Variants in DGKA observed in about 807,000 individuals in gnomAD.
DGKA encodes the protein 80 kDa diacylglycerol kinase.
A neutral mutation model predicts 105.0 loss-of-function variants in DGKA; 35 were observed. The ratio of observed to expected loss-of-function variants is 0.33; its 90% CI spans 0.25 to 0.44. The LOEUF (loss-of-function observed/expected upper bound fraction) is 0.44. Ranked by LOEUF, DGKA falls within the 20% of genes least tolerant of loss-of-function variation. DGKA has a pLI of 1.00. For missense variants in DGKA, 665 were observed against 915.0 expected, an observed-to-expected ratio of 0.73 and a Z score of 3.53; for synonymous variants, 296 against 332.0, an observed-to-expected ratio of 0.89 and a Z score of 1.18.
At position 55,953,821 on chromosome 12, in the gene DGKA, G is replaced by A. The variant is rs1888656941; in HGVS notation, c.*53G>A. On this transcript the variant is annotated 3_prime_UTR_variant, in exon 24 of 24. Coordinates refer to ENST00000331886, the MANE Select transcript of DGKA (RefSeq NM_001345.5). ...CCTTGAACCCACCTCCCTGTCCCTGGACTCTACTCCCGAGGCTCTGTACAT... is the reference window on the plus strand; with the variant it reads ...CCTTGAACCCACCTCCCTGTCCCTGAACTCTACTCCCGAGGCTCTGTACAT... 4.0e-6 allele frequency: 6 copies of A among 1,518,564 alleles called. No homozygotes were observed. Among genetic ancestry groups the A allele is most frequent in the Non-Finnish European group, 5.5e-6 (6 of 1,094,258 alleles). 94.1% of individuals were successfully genotyped at this position (1,518,564 alleles called of 1,614,324 possible).
chr12:55,935,980 G>T (rs1412637940), intron 1 of DGKA: 1 of 989,222 alleles, frequency 1.0e-6, no homozygotes, highest in African/African-American at 1.7e-5. Context: ...TCAGAGGGCC[G>T]GAACTGCCGG....
chr12:55,947,436 A>G (rs1216630106), intron 17 of DGKA, among the ~76,000 whole-genome samples: 3 of 152,184 alleles, frequency 2.0e-5, no homozygotes, highest in East Asian at 1.9e-4. Flanking sequence ...CTGTTCCTCC[A>G]TGTTTTACTT....
At position 55,942,002 on chromosome 12, in the gene DGKA, C is replaced by A; in HGVS notation, c.1255C>A (p.Arg419=). 6.2e-7 allele frequency: 1 copy of A among 1,614,074 alleles called. No individual in the cohort carries two copies. Among genetic ancestry groups the A allele is most frequent in the South Asian group, 1.1e-5 (1 of 91,042 alleles). ...TCTCTCTCCCCTTTGTCTCAGGCTC[C>A]GATTATTCAAGGATGTTCCTGATAG... is the stretch of plus-strand genomic sequence containing the variant. ...LLKDGPEIGL[R]LFKDVPDSRI... Residue 419 remains arginine, a synonymous_variant, in exon 16 of 24, where the codon CGA becomes AGA. Coordinates refer to ENST00000331886, the MANE Select transcript of DGKA (RefSeq NM_001345.5).
In DGKA at chr12:55,938,986, G is replaced by A; in HGVS notation, c.471G>A (p.Arg157=). ...TGGATTGGGATGTGTCTGAGCTGAG[G>A]CCGGTAAGGCAGCTCTTCCTTCATG... ...EYLDWDVSEL[R]PILQEMMKEI... Residue 157 remains arginine (R), a synonymous_variant, in exon 7 of 24, where the codon AGG becomes AGA. Transcript: ENST00000331886. 6.2e-7 allele frequency: 1 copy of A among 1,614,172 alleles called. No homozygotes were observed. Among genetic ancestry groups the A allele is most frequent in the Non-Finnish European group, 8.5e-7 (1 of 1,180,026 alleles).
chr12:55,947,390 A>G (rs1200563891), intron 17 of DGKA, among the ~76,000 whole-genome samples: 1 of 152,188 alleles, frequency 6.6e-6, no homozygotes, highest in Non-Finnish European at 1.5e-5. Context: ...AAGAAAGTGA[A>G]AGCTCCCTAT....
Position 55,952,064 on chromosome 12 carries a change from C to T in DGKA, c.1617C>T (p.Ile539=). ...CCTCTATTGCTCATCGATTCCACAT[C>T]ATGCGAGAGAAATATCCGGAGAAGT... The part of the protein sequence containing the change: ...VDASIAHRFH[I]MREKYPEKFN... The change falls in exon 19 of 24, where the codon ATC becomes ATT. Residue 539 remains isoleucine, a synonymous_variant. Transcript: ENST00000331886. The surrounding 1 kb of genome is among the most constrained non-coding windows in gnomAD (Gnocchi z 5.1). 1.9e-6 allele frequency: 3 copies of T among 1,614,086 alleles called. No homozygotes were observed. Among genetic ancestry groups the T allele is most frequent in the Non-Finnish European group, 2.5e-6 (3 of 1,180,032 alleles).
chr12:55,941,366 G>A (rs2291615), intron 14 of DGKA, 41 bp downstream of exon 14: 449,096 of 1,602,570 alleles, frequency 0.28, 66,656 homozygotes, highest in South Asian at 0.4. Flanking sequence ...TGAGAGGCAG[G>A]GCCTGCCTGC....
intron 2 of DGKA, 75 bp downstream of exon 2, chr12:55,936,642 C>T (rs777379577): frequency 6.3e-7 from 1 of 1,596,644 alleles, no homozygotes; most frequent in Non-Finnish European, 8.6e-7. Flanking sequence ...ATTACACCCC[C>T]TGCCCCCCAG....
intron 3 of DGKA, 104 bp from the exon 4 acceptor site, chr12:55,937,304 C>A: frequency 7.2e-7 from 1 of 1,388,510 alleles, no homozygotes; most frequent in Non-Finnish European, 1.0e-6. Flanking sequence ...GCCTCAGATG[C>A]TTCTCAGCTC....
Position 55,940,568 on chromosome 12 carries a change from G to A in DGKA, c.919-56G>A. ...GGCTCTTTCCAGCCCAGACTGCCAGGTTGAGAGGAGACAGGGTTACCTTCG... is the reference window on the plus strand; with the variant it reads ...GGCTCTTTCCAGCCCAGACTGCCAGATTGAGAGGAGACAGGGTTACCTTCG... On this transcript the variant is annotated intron_variant, in intron 11 of 23. Transcript: ENST00000331886. This position sits in a 1 kb window ranked among gnomAD's most constrained non-coding sequence, Gnocchi z 4.3. The A allele has an allele frequency of 2.6e-6, 4 of 1,556,516 alleles. No homozygotes were observed. Among genetic ancestry groups the A allele is most frequent in the African/African-American group, 2.7e-5 (2 of 73,306 alleles).
At chr12:55,930,223 G>A (rs1355454909), upstream of DGKA, among the ~76,000 whole-genome samples, 1 of 152,088 alleles carries the variant, frequency 6.6e-6, no homozygotes, top group East Asian at 1.9e-4. Context: ...ACTAAGTACA[G>A]GACTTAGTGT....
At chr12:55,927,701 C>T, upstream of DGKA, 7 of 1,539,156 alleles carry the variant, frequency 4.5e-6, no homozygotes, top group Non-Finnish European at 6.1e-6. Flanking sequence ...GCGTGCAAGG[C>T]GGAGGGCGCC....
In DGKA at chr12:55,936,729, A is replaced by G. The variant is rs1012876039; in HGVS notation, c.64+162A>G. 4 of 1,086,354 alleles carry G rather than the reference A, an allele frequency of 3.7e-6. No individual in the cohort carries two copies. The African/African-American group carries it at 6.2e-5, about 17-fold the overall frequency. The allele number at this position is 1,086,354 out of a possible 1,614,324, so 67.3% of individuals were successfully genotyped here. A position where few individuals can be genotyped will look rare whatever the true frequency, so the allele number is the denominator to read the frequency against. On this transcript the variant is annotated intron_variant, in intron 2 of 23. Transcript: ENST00000331886. ...AATGGGAGGAGTGGGAGATGGGGAG[A>G]TGTCAGAAAAAGATCCGGATCTACC...
Position 55,953,978 on chromosome 12 carries a change from C to CT in DGKA, c.*211dup. ...CCCAAAACACATACATTGAAAGTGC[C>CT]TCATCTGAATAAAATGACTTGTGTT... On this transcript the variant is annotated 3_prime_UTR_variant, in exon 24 of 24. Transcript: ENST00000331886. 1 of 635,334 alleles carries CT rather than the reference C, an allele frequency of 1.6e-6. No individual in the cohort carries two copies. The highest frequency in any genetic ancestry group is 2.7e-6 in the Non-Finnish European group (1 of 371,548). 39.4% of individuals were successfully genotyped at this position (635,334 alleles called of 1,614,324 possible).
chr12:55,937,959 TCTGC>T lies in DGKA; in HGVS notation c.275-18_275-15del, dbSNP rs750820673. ...AAGTGGAGGGAGCCCTGACTTCTGA[TCTGC>T]TTTTTTGTAACCAGATGTGGTGTGT... On this transcript the variant is annotated splice_polypyrimidine_tract_variant and intron_variant, in intron 4 of 23. Transcript: ENST00000331886. The T allele has an allele frequency of 1.0e-4, 161 of 1,613,228 alleles. No homozygotes were observed. The East Asian group carries it at 3.6e-3, about 36-fold the overall frequency.
rs1395282 is a variant in DGKA at position 55,953,101 on chromosome 12, C to T, written c.2004C>T (p.Ile668=). Residue 668 remains isoleucine, a synonymous_variant, in exon 22 of 24, where the codon ATC becomes ATT. Transcript: ENST00000331886. ...GLEGAIEMGQ[I]YTKLKNAGRR... ...AGGGTGCAATTGAGATGGGCCAAAT[C>T]TATACCAAGCTCAAGAATGCTGGAC... The T allele has an allele frequency of 6.2e-7, 1 of 1,614,110 alleles. No individual in the cohort carries two copies.
chr12:55,938,418 C>G (rs576164263), intron 5 of DGKA, 93 bp from the exon 6 acceptor site: 10 of 1,531,366 alleles, frequency 6.5e-6, no homozygotes, highest in Non-Finnish European at 8.1e-6. Flanking sequence ...CCCAAAAGCT[C>G]TCTCCCTGTC....
rs776890566 is a variant in DGKA, at chr12:55,952,882, C to G, written c.1892C>G (p.Ala631Gly). Residue 631 changes from alanine (A) to glycine (G), a missense_variant, in exon 21 of 24, where the codon GCT becomes GGT. By Grantham distance (60) the Ala-to-Gly change is moderately conservative (BLOSUM62 0). Around this residue, in one of 3 missense-constraint regions of DGKA, gnomAD observed 158 missense variants for 213.4 expected, o/e 0.74. Transcript: ENST00000331886. This position sits in a 1 kb window ranked among gnomAD's most constrained non-coding sequence, Gnocchi z 5.1. ...TATGGGATCAACCAGGCCTTAGGTGCTACAGCTAAAGTCATCACCGACCCT... is the reference window on the plus strand; with the variant it reads ...TATGGGATCAACCAGGCCTTAGGTGGTACAGCTAAAGTCATCACCGACCCT... ...DIYGINQALG[A>G]TAKVITDPDI... The G allele has an allele frequency of 6.2e-7, 1 of 1,614,164 alleles. No homozygotes were observed. The highest frequency in any genetic ancestry group is 8.5e-7 in the Non-Finnish European group (1 of 1,180,030).
Position 55,940,033 on chromosome 12 carries a change from T to C in DGKA, c.710-49T>C. On this transcript the variant is annotated intron_variant, in intron 9 of 23. Coordinates refer to ENST00000331886, the MANE Select transcript of DGKA (RefSeq NM_001345.5). This position sits in a 1 kb window ranked among gnomAD's most constrained non-coding sequence, Gnocchi z 4.3. ...GCCTCACCCTCAGGTAAGAAGGAAATAGGGGGAGAGGCTCAGCTAAGCCTC... is the reference window on the plus strand; with the variant it reads ...GCCTCACCCTCAGGTAAGAAGGAAACAGGGGGAGAGGCTCAGCTAAGCCTC... The C allele has an allele frequency of 1.3e-6, 2 of 1,505,300 alleles. No individual in the cohort carries two copies. The highest frequency in any genetic ancestry group is 1.1e-5 in the South Asian group (1 of 88,632). The allele number at this position is 1,505,300 out of a possible 1,614,324, so 93.2% of individuals were successfully genotyped here.
Sources: gnomAD v4.1 joint callset for allele counts (sites outside exome capture counted in the v4.1 genomes callset) on GRCh38, gnomAD v4.1.1 for gene constraint, gnomAD v4.1.1 regional missense constraint, Gnocchi (gnomAD v3.1) non-coding constraint, MANE v1.5 for transcripts, NCBI Gene and HGNC (gene_info 2026-07-23, HGNC 2026-07-21) for gene names.